The following BCAS3 variants were observed in gnomAD, a reference collection of about 807,000 sequenced individuals.
BCAS3 encodes BCAS4/BCAS3 fusion.
Under a neutral mutation model 116.1 loss-of-function variants are expected in BCAS3, and 53 were observed. The observed-to-expected ratio is 0.46, with a 90% CI of 0.37 to 0.57. The LOEUF (loss-of-function observed/expected upper bound fraction) is 0.57. BCAS3 is among the 20% of genes least tolerant of loss of function. The pLI is 0.00. For missense variants in BCAS3, 917 were observed against 1,165.4 expected (o/e 0.79, Z 3.10); for synonymous variants, 391 against 408.2 (o/e 0.96, Z 0.51).
rs111946516 is a variant in BCAS3 at position 61,221,837 on chromosome 17, G to A, written c.2425+137273G>A. On this transcript the variant is annotated intron_variant, in intron 22 of 23. Transcript: ENST00000407086. ...AAAAGCATAAACCCTAGCGTTACCCGGAATGCTAACCACCTCACTAACTAG... is the reference window on the plus strand; with the variant it reads ...AAAAGCATAAACCCTAGCGTTACCCAGAATGCTAACCACCTCACTAACTAG... Among the ~76,000 whole-genome samples, 807 of 152,292 alleles carry A rather than the reference G, an allele frequency of 5.3e-3. 11 individuals are homozygous for A. The highest frequency in any genetic ancestry group is 0.018 in the African/African-American group (753 of 41,544).
At chr17:61,072,194 G>A (rs192679947) in intron 19 of BCAS3, among the ~76,000 whole-genome samples, 1 of 152,110 alleles carries the variant, frequency 6.6e-6, no homozygotes, top group Non-Finnish European at 1.5e-5. Flanking sequence ...AGTTAATGAG[G>A]GCAGAGAGGA....
chr17:60,947,060 T>TAA (rs2060541228), intron 13 of BCAS3, among the ~76,000 whole-genome samples, 159 bp from the exon 14 acceptor site: 1 of 152,278 alleles, frequency 6.6e-6, no homozygotes, highest in Non-Finnish European at 1.5e-5. Context: ...GGTATTCACA[T>TAA]GAAAAAGATA....
At chr17:61,193,778 A>G (rs2080300941) in intron 22 of BCAS3, among the ~76,000 whole-genome samples, 1 of 149,672 alleles carries the variant, frequency 6.7e-6, no homozygotes. Flanking sequence ...AAAAAAAAAA[A>G]AAAAAAAGAT....
At chr17:61,099,953 A>T (rs1264204852) in intron 22 of BCAS3, among the ~76,000 whole-genome samples, 1 of 152,254 alleles carries the variant, frequency 6.6e-6, no homozygotes, top group Non-Finnish European at 1.5e-5. Flanking sequence ...GTGTCATTAC[A>T]GTTTAGTTAC....
At chr17:60,998,922 T>C (rs2064029485) in intron 15 of BCAS3, among the ~76,000 whole-genome samples, 1 of 152,186 alleles carries the variant, frequency 6.6e-6, no homozygotes, top group South Asian at 2.1e-4. Flanking sequence ...TCCTGGGTTT[T>C]CTTCTAGAAT....
At chr17:60,744,893 C>T (rs1296792732) in intron 5 of BCAS3, among the ~76,000 whole-genome samples, 1 of 152,050 alleles carries the variant, frequency 6.6e-6, no homozygotes, top group African/African-American at 2.4e-5. Context: ...GTTTTGAAAG[C>T]TGTTTTGCTG....
intron 22 of BCAS3, among the ~76,000 whole-genome samples, chr17:61,305,521 C>A (rs528153384): frequency 6.6e-6 from 1 of 152,198 alleles, no homozygotes. Flanking sequence ...TAATCGTTTA[C>A]ACTGAATTGT....
At chr17:60,840,304 G>C (rs1336226707) in intron 7 of BCAS3, among the ~76,000 whole-genome samples, 1 of 152,126 alleles carries the variant, frequency 6.6e-6, no homozygotes, top group African/African-American at 2.4e-5. Flanking sequence ...ATTTTCAGGA[G>C]GTATTTAAAT....
chr17:61,220,024 G>A lies in BCAS3; in HGVS notation c.2425+135460G>A, dbSNP rs1468930565. 2.6e-5 allele frequency among the ~76,000 whole-genome samples: 4 copies of A among 152,120 alleles called. No homozygotes were observed. Among genetic ancestry groups the A allele is most frequent in the Non-Finnish European group, 4.4e-5 (3 of 68,024 alleles). ...AAAACTAAAGTTTTCGGCCGGGCGC[G>A]GTGGCTCACGCCTGTAATCCCAGCA... On this transcript the variant is annotated intron_variant, in intron 22 of 23. Transcript: ENST00000407086. The surrounding 1 kb of genome is among the most constrained non-coding windows in gnomAD (Gnocchi z 4.5).
At chr17:61,050,999 G>A (rs2068807163) in intron 19 of BCAS3, among the ~76,000 whole-genome samples, 1 of 151,960 alleles carries the variant, frequency 6.6e-6, no homozygotes, top group Non-Finnish European at 1.5e-5. Flanking sequence ...CAAATATTTG[G>A]AAACTAACAC....
intron 7 of BCAS3, among the ~76,000 whole-genome samples, chr17:60,814,732 A>G (rs1335209263): frequency 6.6e-6 from 1 of 152,152 alleles, no homozygotes; most frequent in Non-Finnish European, 1.5e-5. Flanking sequence ...GACTTCTCCA[A>G]TTTTATTTTA....
intron 6 of BCAS3, among the ~76,000 whole-genome samples, chr17:60,763,644 G>C (rs1023661051): frequency 3.3e-5 from 5 of 151,854 alleles, no homozygotes; most frequent in Admixed American, 1.3e-4. Context: ...CAGGGATATT[G>C]GTCTAAAATT....
chr17:61,202,231 G>A (rs1401446916), intron 22 of BCAS3, among the ~76,000 whole-genome samples: 1 of 148,684 alleles, frequency 6.7e-6, no homozygotes, highest in Non-Finnish European at 1.5e-5. Flanking sequence ...TCTGCCTCCC[G>A]GGTTCACGCC....
At chr17:60,871,898 G>T in intron 8 of BCAS3, among the ~76,000 whole-genome samples, 1 of 150,614 alleles carries the variant, frequency 6.6e-6, no homozygotes, top group East Asian at 1.9e-4. Context: ...TTCTTTTTTT[G>T]GAATTTTCTA....
chr17:61,266,411 A>G (rs772335518), intron 22 of BCAS3, among the ~76,000 whole-genome samples: 1 of 152,238 alleles, frequency 6.6e-6, no homozygotes, highest in African/African-American at 2.4e-5. Flanking sequence ...GCTTCTCACA[A>G]GAAAATTCAT....
At position 61,188,462 on chromosome 17, in the gene BCAS3, G is replaced by T. The variant is rs936380367; in HGVS notation, c.2425+103898G>T. ...CTGGTATGGACCACAAGTCTGGGAGGCAAGTGGATTTTAGGTGTTTTATAT... is the reference window on the plus strand; with the variant it reads ...CTGGTATGGACCACAAGTCTGGGAGTCAAGTGGATTTTAGGTGTTTTATAT... On this transcript the variant is annotated intron_variant, in intron 22 of 23. Coordinates refer to ENST00000407086, the MANE Select transcript of BCAS3 (RefSeq NM_017679.5). The surrounding 1 kb of genome is among the most constrained non-coding windows in gnomAD (Gnocchi z 4.0). 2.0e-5 allele frequency among the ~76,000 whole-genome samples: 3 copies of T among 152,194 alleles called. No homozygotes were observed. Among genetic ancestry groups the T allele is most frequent in the African/African-American group, 7.2e-5 (3 of 41,444 alleles).
intron 10 of BCAS3, among the ~76,000 whole-genome samples, chr17:60,894,314 T>TTA (rs2057372529): frequency 3.3e-5 from 5 of 152,042 alleles, no homozygotes; most frequent in Admixed American, 3.3e-4. Flanking sequence ...AAATTTCTTC[T>TTA]TATATATATA....
At chr17:60,737,795 AT>A (rs985241840) in intron 5 of BCAS3, among the ~76,000 whole-genome samples, 11 of 150,732 alleles carry the variant, frequency 7.3e-5, no homozygotes, top group African/African-American at 2.2e-4. Flanking sequence ...TATTATTATT[AT>A]TTTTTTTGAG....
chr17:61,084,699 A>G lies in BCAS3; in HGVS notation c.2425+135A>G, dbSNP rs1384409334. 1.3e-6 allele frequency: 1 copy of G among 744,640 alleles called. No homozygotes were observed. Among genetic ancestry groups the G allele is most frequent in the African/African-American group, 1.7e-5 (1 of 57,258 alleles). The allele number at this position is 744,640 out of a possible 1,614,324, so 46.1% of individuals were successfully genotyped here. On this transcript the variant is annotated intron_variant, in intron 22 of 23. Transcript: ENST00000407086. The surrounding 1 kb of genome is among the most constrained non-coding windows in gnomAD (Gnocchi z 5.5). ...TTTTGTGGTGTGTGTGCATTTTAAT[A>G]CAGTACTGTGCCTATATTTCTTGCT...
Sources: gnomAD v4.1 joint callset for allele counts (sites outside exome capture counted in the v4.1 genomes callset) on GRCh38, gnomAD v4.1.1 for gene constraint, Gnocchi (gnomAD v3.1) non-coding constraint, MANE v1.5 for transcripts, NCBI Gene and HGNC (gene_info 2026-07-23, HGNC 2026-07-21) for gene names.